SLC25A25: variants seen among roughly 807,000 people sequenced by gnomAD.
SLC25A25 encodes the protein solute carrier family 25 member 25.
In SLC25A25, 32 loss-of-function variants were observed where a neutral mutation model predicts 57.7. That is an observed-to-expected ratio of 0.55 (90% confidence interval 0.42 to 0.74). The LOEUF (loss-of-function observed/expected upper bound fraction) is 0.74, where lower values mean the gene tolerates loss of function less well. Ranked by LOEUF, SLC25A25 falls within the 30% of genes least tolerant of loss-of-function variation. The pLI, the probability that SLC25A25 is intolerant of heterozygous loss-of-function variation, is 0.00. For missense variants in SLC25A25, 556 were observed against 701.3 expected, an observed-to-expected ratio of 0.79 and a Z score of 2.34; for synonymous variants, 306 against 291.2, an observed-to-expected ratio of 1.05 and a Z score of -0.52.
rs142830945 is a variant in SLC25A25 at position 128,107,329 on chromosome 9, C to T, written c.1433C>T (p.Ala478Val). The T allele has an allele frequency of 6.0e-4, 923 of 1,546,412 alleles. 9 individuals carry two copies. The African/African-American group carries it at 0.012, about 19-fold the overall frequency. Residue 478 changes from alanine (A) to valine (V), a missense_variant, in exon 11 of 11, where the codon GCC (alanine) becomes GTC (valine). Physicochemically the swap from Ala to Val is moderately conservative, Grantham distance 64. This residue lies in a region of SLC25A25 where 294 missense variants were observed against 389.6 expected (regional missense o/e 0.75). Coordinates refer to ENST00000373069, the MANE Select transcript of SLC25A25 (RefSeq NM_001330988.2). ...LFKHILRTEG[A>V]FGLYRGLAPN... ...AAACATATCCTGCGGACCGAGGGGG[C>T]CTTCGGGCTGTACAGGGGGCTGGCC...
At chr9:128,091,856 T>C in intron 1 of SLC25A25, 1 of 1,601,696 alleles carries the variant, frequency 6.2e-7, no homozygotes, top group South Asian at 1.1e-5. Context: ...TCAGAGGCGT[T>C]TGGAGGAGAC....
intron 1 of SLC25A25, 54 bp downstream of exon 1, chr9:128,068,634 G>A (rs902672004): frequency 1.4e-6 from 2 of 1,387,986 alleles, no homozygotes; most frequent in Non-Finnish European, 1.9e-6. Flanking sequence ...CGAGGGCCGG[G>A]TGACAGGTCT....
At position 128,099,791 on chromosome 9, in the gene SLC25A25, G is replaced by C. The variant is rs1259993645; in HGVS notation, c.262-1305G>C. ...CGCTGTCAGTAGTGTGTCTAAGAGA[G>C]AGGCGCGGTGGTGATCCTTTGAGGA... is the stretch of plus-strand genomic sequence containing the variant. On this transcript the variant is annotated intron_variant, in intron 1 of 10. Transcript: ENST00000373069. The surrounding 1 kb of genome is among the most constrained non-coding windows in gnomAD (Gnocchi z 6.8). Among the ~76,000 whole-genome samples the C allele has an allele frequency of 6.6e-6, 1 of 152,220 alleles. No homozygotes were observed.
chr9:128,105,741 C>G lies in SLC25A25; in HGVS notation c.796C>G (p.Arg266Gly), dbSNP rs150336698. Residue 266 changes from arginine to glycine, a missense_variant, in exon 7 of 11, where the codon CGC becomes GGC. This residue lies in a region of SLC25A25 where 294 missense variants were observed against 389.6 expected (regional missense o/e 0.75). Coordinates refer to ENST00000373069, the MANE Select transcript of SLC25A25 (RefSeq NM_001330988.2). ...TCCTCCCTCCCAGGTCCATGCCTCCCGCAGCAACAACATGGGCATCGTTGG... is the reference window on the plus strand; with the variant it reads ...TCCTCCCTCCCAGGTCCATGCCTCCGGCAGCAACAACATGGGCATCGTTGG... ...LKVLMQVHAS[R>G]SNNMGIVGGF... 10 of 1,613,214 alleles carry G rather than the reference C, an allele frequency of 6.2e-6. No individual in the cohort carries two copies. The South Asian group carries it at 9.9e-5, about 16-fold the overall frequency.
intron 1 of SLC25A25, among the ~76,000 whole-genome samples, chr9:128,070,950 C>CAAAAAAAAAAAAAAAAAAAA (rs531221205): frequency 1.7e-5 from 1 of 57,458 alleles, no homozygotes; most frequent in African/African-American, 5.9e-5. Context: ...AACTCCATCT[C>CAAAAAAAAAAAAAAAAAAAA]AAAAAAAAAA....
chr9:128,098,441 G>A, intron 1 of SLC25A25: 1 of 1,432,732 alleles, frequency 7.0e-7, no homozygotes, highest in Non-Finnish European at 9.1e-7. Flanking sequence ...AAGTAAAAGG[G>A]CAGGGCTTAA....
At chr9:128,073,263 G>A (rs1422996065) in intron 1 of SLC25A25, among the ~76,000 whole-genome samples, 1 of 152,100 alleles carries the variant, frequency 6.6e-6, no homozygotes, top group Admixed American at 6.6e-5. Context: ...TTCTTTTGGG[G>A]AAACTTGAGA....
intron 1 of SLC25A25, among the ~76,000 whole-genome samples, chr9:128,078,452 G>A (rs959682636): frequency 1.3e-5 from 2 of 152,144 alleles, no homozygotes; most frequent in Non-Finnish European, 2.9e-5. Flanking sequence ...TCCGTGGTGT[G>A]GAAGGGGATG....
Position 128,095,977 on chromosome 9 carries a change from G to T in SLC25A25, c.262-5119G>T, listed in dbSNP as rs1833545804. 6.6e-6 allele frequency among the ~76,000 whole-genome samples: 1 copy of T among 152,032 alleles called. No individual in the cohort carries two copies. Among genetic ancestry groups the T allele is most frequent in the Non-Finnish European group, 1.5e-5 (1 of 68,018 alleles). On this transcript the variant is annotated intron_variant, in intron 1 of 10. Transcript: ENST00000373069. The surrounding 1 kb of genome is among the most constrained non-coding windows in gnomAD (Gnocchi z 4.4). Reference sequence around the variant, plus strand: ...TTAATAGAAAGTGAAATCTCCAATTGAACTTATTCAGTCAAAATATTTGCT... The same window carrying T: ...TTAATAGAAAGTGAAATCTCCAATTTAACTTATTCAGTCAAAATATTTGCT...
chr9:128,075,646 A>G (rs1832994723), intron 1 of SLC25A25, among the ~76,000 whole-genome samples: 2 of 152,128 alleles, frequency 1.3e-5, no homozygotes, highest in South Asian at 4.1e-4. Flanking sequence ...GTTCGAGACT[A>G]GCCTGGCCAA....
rs1395537529 is a variant in SLC25A25 at position 128,099,392 on chromosome 9, A to G, written c.262-1704A>G. 20 of 1,184,464 alleles carry G rather than the reference A, an allele frequency of 1.7e-5. No homozygotes were observed. The highest frequency in any genetic ancestry group is 5.0e-5 in the African/African-American group (3 of 60,330). 73.4% of individuals were successfully genotyped at this position (1,184,464 alleles called of 1,614,324 possible). A position where few individuals can be genotyped will look rare whatever the true frequency, so the allele number is the denominator to read the frequency against. On this transcript the variant is annotated intron_variant, in intron 1 of 10. Transcript: ENST00000373069. The surrounding 1 kb of genome is among the most constrained non-coding windows in gnomAD (Gnocchi z 6.8). The stretch of plus-strand genomic sequence containing the variant: ...TGCGTTGAAGCCAGCTGCGGTGAGC[A>G]CACCCTCTGCTCTGGGTGTCTGCGA...
rs146124484 is a variant in SLC25A25 at position 128,107,406 on chromosome 9, G to A, written c.1510G>A (p.Glu504Lys). ...TGTGAGCATCAGCTACGTGGTCTAC[G>A]AGAACCTGAAGATCACCCTGGGCGT... Reference protein sequence around the residue: ...PAVSISYVVYENLKITLGVQS... With the variant: ...PAVSISYVVYKNLKITLGVQS... Residue 504 changes from glutamate to lysine, a missense_variant, in exon 11 of 11, where the codon GAG (glutamate) becomes AAG (lysine). Physicochemically the swap from Glu to Lys is moderately conservative, Grantham distance 56. This residue lies in a region of SLC25A25 where 294 missense variants were observed against 389.6 expected (regional missense o/e 0.75). Transcript: ENST00000373069. 7.3e-6 allele frequency: 11 copies of A among 1,509,488 alleles called. No individual in the cohort carries two copies. The African/African-American group carries it at 8.4e-5, about 12-fold the overall frequency. 93.5% of individuals were successfully genotyped at this position (1,509,488 alleles called of 1,614,324 possible).
chr9:128,079,534 G>T (rs1381031943), intron 1 of SLC25A25, among the ~76,000 whole-genome samples: 1 of 150,282 alleles, frequency 6.7e-6, no homozygotes, highest in Non-Finnish European at 1.5e-5. Flanking sequence ...CAAGGCAGGT[G>T]GATCACTTGA....
intron 1 of SLC25A25, among the ~76,000 whole-genome samples, chr9:128,081,135 G>C (rs184743614): frequency 6.6e-6 from 1 of 152,298 alleles, no homozygotes; most frequent in African/African-American, 2.4e-5. Context: ...AGCTGGCTTG[G>C]TTTAAACCAG....
rs750859654 is a variant in SLC25A25, at chr9:128,079,607, A to G, written c.261+11027A>G. ...ACCTTGTCTCTACTAAAAATACAAA[A>G]AAAAAAAAAAAAAAAAAAAATTAGC... On this transcript the variant is annotated intron_variant, in intron 1 of 10. Transcript: ENST00000373069. 4.7e-3 allele frequency among the ~76,000 whole-genome samples: 664 copies of G among 142,650 alleles called. 7 individuals carry two copies. Among genetic ancestry groups the G allele is most frequent in the South Asian group, 0.016 (76 of 4,678 alleles). 93.6% of individuals were successfully genotyped at this position (142,650 alleles called of 152,430 possible).
intron 1 of SLC25A25, among the ~76,000 whole-genome samples, chr9:128,088,882 C>G (rs1422827879): frequency 6.6e-6 from 1 of 152,126 alleles, no homozygotes; most frequent in African/African-American, 2.4e-5. Flanking sequence ...TCCATCTGGC[C>G]AGACTTTCTG....
At chr9:128,090,095 A>C (rs1833365154) in intron 1 of SLC25A25, among the ~76,000 whole-genome samples, 1 of 151,848 alleles carries the variant, frequency 6.6e-6, no homozygotes. Flanking sequence ...CCCGCCCCAC[A>C]CCCTCTCTTC....
Position 128,108,374 on chromosome 9 carries a change from C to T in SLC25A25, c.*930C>T. ...GCCGGACAAATGAGCGACTTCTGTGCTTCCAGAGGAAGACGAGGGAGCAGG... is the reference window on the plus strand; with the variant it reads ...GCCGGACAAATGAGCGACTTCTGTGTTTCCAGAGGAAGACGAGGGAGCAGG... On this transcript the variant is annotated 3_prime_UTR_variant, in exon 11 of 11. Coordinates refer to ENST00000373069, the MANE Select transcript of SLC25A25 (RefSeq NM_001330988.2). 2.5e-6 allele frequency: 1 copy of T among 398,020 alleles called. No individual in the cohort carries two copies. The highest frequency in any genetic ancestry group is 1.4e-4 in the South Asian group (1 of 7,018). 24.7% of individuals were successfully genotyped at this position (398,020 alleles called of 1,614,324 possible).
chr9:128,100,649 G>A (rs1427570370), intron 1 of SLC25A25, among the ~76,000 whole-genome samples: 1 of 152,168 alleles, frequency 6.6e-6, no homozygotes, highest in Non-Finnish European at 1.5e-5. Flanking sequence ...GTCAGAAACT[G>A]GACTCCATGG....
Sources: gnomAD v4.1 joint callset for allele counts (sites outside exome capture counted in the v4.1 genomes callset) on GRCh38, gnomAD v4.1.1 for gene constraint, gnomAD v4.1.1 regional missense constraint, Gnocchi (gnomAD v3.1) non-coding constraint, MANE v1.5 for transcripts, NCBI Gene and HGNC (gene_info 2026-07-23, HGNC 2026-07-21) for gene names.